The following ZFHX3 variants were observed in gnomAD, a reference collection of about 807,000 sequenced individuals.
ZFHX3 encodes the protein zinc finger homeobox protein 3.
A neutral mutation model predicts 279.1 loss-of-function variants in ZFHX3; 42 were observed. The ratio of observed to expected loss-of-function variants is 0.15; its 90% CI spans 0.12 to 0.19. The LOEUF is 0.19. Among genes scored for constraint, ZFHX3 ranks in the 10% least tolerant of loss-of-function variants. The pLI is 1.00. For missense variants in ZFHX3, 4,981 were observed against 4,754.0 expected, an observed-to-expected ratio of 1.05 and a Z score of -1.40; for synonymous variants, 2,293 against 1,957.8, an observed-to-expected ratio of 1.17 and a Z score of -4.52.
chr16:73,165,586 C>T (rs1380246722), intron 5 of ZFHX3, among the ~76,000 whole-genome samples: 3 of 152,132 alleles, frequency 2.0e-5, no homozygotes, highest in South Asian at 2.1e-4. Context: ...CCTTTGTCAG[C>T]GTGGCCTGAG....
chr16:73,077,164 A>G (rs1194036535), intron 8 of ZFHX3, among the ~76,000 whole-genome samples: 2 of 152,152 alleles, frequency 1.3e-5, no homozygotes, highest in African/African-American at 4.8e-5. Flanking sequence ...TTATTGACCA[A>G]CATGTTGGAT....
At position 73,647,009 on chromosome 16, in the gene ZFHX3, C is replaced by CA. The variant is rs202085109; in HGVS notation, c.-1547+33170dup. Reference sequence around the variant, plus strand: ...GGACAAATGGCAGTACTCGTTGTGCCAACCTTTTTTTTTTCTTTTTTTTTT... The same window carrying CA: ...GGACAAATGGCAGTACTCGTTGTGCCAAACCTTTTTTTTTTCTTTTTTTTTT... On this transcript the variant is annotated intron_variant, in intron 2 of 17. Coordinates refer to the ZFHX3 transcript ENST00000641206. Among the ~76,000 whole-genome samples, 446 of 93,024 alleles carry CA rather than the reference C, an allele frequency of 4.8e-3. 2 individuals carry two copies. The highest frequency in any genetic ancestry group is 0.011 in the African/African-American group (346 of 30,408). The allele number at this position is 93,024 out of a possible 152,430, so 61.0% of individuals were successfully genotyped here.
chr16:73,737,223 G>C (rs373580385), intron 1 of ZFHX3, among the ~76,000 whole-genome samples: 3 of 152,204 alleles, frequency 2.0e-5, no homozygotes. Flanking sequence ...TTATTGTAGA[G>C]ACAGGGTCTT....
At chr16:73,024,349 T>C (rs190589139) in intron 1 of ZFHX3, among the ~76,000 whole-genome samples, 67 of 152,124 alleles carry the variant, frequency 4.4e-4, no homozygotes, top group Admixed American at 3.7e-3. Context: ...TGATGGCCAG[T>C]CTCCACCAAG....
intron 1 of ZFHX3, among the ~76,000 whole-genome samples, chr16:73,793,477 A>G (rs1197202397): frequency 6.6e-6 from 1 of 152,250 alleles, no homozygotes; most frequent in African/African-American, 2.4e-5. Context: ...GATGCAAGCC[A>G]ACATATCTCC....
At position 73,665,892 on chromosome 16, in the gene ZFHX3, T is replaced by C. The variant is rs531693275; in HGVS notation, c.-1547+14288A>G. 5.8e-4 allele frequency among the ~76,000 whole-genome samples: 84 copies of C among 145,572 alleles called. 3 individuals carry two copies. The South Asian group carries it at 9.5e-3, about 16-fold the overall frequency. On this transcript the variant is annotated intron_variant, in intron 2 of 17. Transcript: ENST00000641206. The stretch of plus-strand genomic sequence containing the variant: ...GTCTCACTCTGTCGCCCAGGCTCAC[T>C]GCAAGGTCTGCCTCCCGGGTTCATG...
In ZFHX3 at chr16:73,029,021, C is replaced by A. The variant is rs192165238; in HGVS notation, c.-50+18731G>T. ...CCTCCTGAGGTTTCTGCTTGTCTAACATCTTCTTCACTCACTCAGCCCAGG... is the reference window on the plus strand; with the variant it reads ...CCTCCTGAGGTTTCTGCTTGTCTAAAATCTTCTTCACTCACTCAGCCCAGG... On this transcript the variant is annotated intron_variant, in intron 1 of 9. Coordinates refer to ENST00000268489, the MANE Select transcript of ZFHX3 (RefSeq NM_006885.4). Among the ~76,000 whole-genome samples, 531 of 152,248 alleles carry A rather than the reference C, an allele frequency of 3.5e-3. 2 individuals are homozygous for A. The highest frequency in any genetic ancestry group is 5.3e-3 in the Non-Finnish European group (358 of 68,016).
At chr16:73,756,935 G>A (rs953982329) in intron 1 of ZFHX3, among the ~76,000 whole-genome samples, 5 of 152,240 alleles carry the variant, frequency 3.3e-5, no homozygotes, top group African/African-American at 1.2e-4. Context: ...ACTTTAGAGA[G>A]CTACATTTTT....
chr16:73,847,414 C>A (rs1961476958), intron 1 of ZFHX3, among the ~76,000 whole-genome samples: 3 of 152,152 alleles, frequency 2.0e-5, no homozygotes, highest in African/African-American at 7.2e-5. Flanking sequence ...AATGCATTCC[C>A]ATGAGAGGCT....
intron 3 of ZFHX3, among the ~76,000 whole-genome samples, chr16:73,354,853 T>C (rs1337486151): frequency 6.6e-6 from 1 of 152,218 alleles, no homozygotes; most frequent in Non-Finnish European, 1.5e-5. Flanking sequence ...TCTTGCCTGG[T>C]GAATCGGTCT....
chr16:73,851,422 G>A (rs538928167), intron 1 of ZFHX3, among the ~76,000 whole-genome samples: 1 of 152,162 alleles, frequency 6.6e-6, no homozygotes. Flanking sequence ...AAAGCATACC[G>A]ACTTGAAGTC....
intron 3 of ZFHX3, among the ~76,000 whole-genome samples, chr16:73,426,586 G>A (rs1178723839): frequency 6.6e-6 from 1 of 152,050 alleles, no homozygotes; most frequent in Admixed American, 6.6e-5. Flanking sequence ...GTGTGTGCAT[G>A]TGTGTGTGTG....
chr16:73,673,241 A>G (rs2052921620), intron 2 of ZFHX3, among the ~76,000 whole-genome samples: 2 of 152,188 alleles, frequency 1.3e-5, no homozygotes, highest in South Asian at 4.1e-4. Flanking sequence ...GAAGGGGCAC[A>G]CGGGTAGAGG....
In ZFHX3 at chr16:73,275,986, G is replaced by C. The variant is rs544665767; in HGVS notation, c.-1193-18850C>G. On this transcript the variant is annotated intron_variant, in intron 4 of 17. Transcript: ENST00000641206. ...AAGTTAGGGGCGGTCAAGAGTGATG[G>C]GGGGGGACAGGGAAGGATGATATTG... Among the ~76,000 whole-genome samples, 21 of 151,624 alleles carry C rather than the reference G, an allele frequency of 1.4e-4. 1 individual carries two copies. Among genetic ancestry groups the C allele is most frequent in the South Asian group, 4.2e-4 (2 of 4,788 alleles).
chr16:72,815,857 C>T (rs1002956114), intron 5 of ZFHX3, among the ~76,000 whole-genome samples: 2 of 152,220 alleles, frequency 1.3e-5, no homozygotes, highest in Non-Finnish European at 2.9e-5. Flanking sequence ...GCGTTAGTAA[C>T]TCTAGTGGTT....
intron 3 of ZFHX3, among the ~76,000 whole-genome samples, chr16:73,453,623 G>A (rs762128169): frequency 1.4e-4 from 22 of 152,142 alleles, no homozygotes; most frequent in Admixed American, 5.2e-4. Context: ...GTCCAGCCCC[G>A]TGGATTCCAT....
chr16:73,745,597 G>T (rs1350846275), intron 1 of ZFHX3, among the ~76,000 whole-genome samples: 2 of 152,186 alleles, frequency 1.3e-5, no homozygotes, highest in African/African-American at 2.4e-5. Flanking sequence ...AACCAAATGC[G>T]TGTATAGCCA....
chr16:73,070,926 GCGCGCGCGCGCGCACACACA>G (rs1297933035), intron 8 of ZFHX3, among the ~76,000 whole-genome samples: 4 of 29,552 alleles, frequency 1.4e-4, no homozygotes, highest in Non-Finnish European at 1.6e-4. Context: ...GCGCGCGCGC[GCGCGCGCGCGCGCACACACA>G]CACACACACA....
At chr16:73,445,383 C>T (rs745543312) in intron 3 of ZFHX3, among the ~76,000 whole-genome samples, 3 of 151,674 alleles carry the variant, frequency 2.0e-5, no homozygotes, top group Non-Finnish European at 4.4e-5. Context: ...AAATAGCACC[C>T]CTTCACCATT....
Sources: allele counts gnomAD v4.1 joint callset (sites outside exome capture counted in the v4.1 genomes callset), GRCh38; gene constraint gnomAD v4.1.1; transcripts MANE v1.5; gene names NCBI Gene and HGNC (gene_info 2026-07-23, HGNC 2026-07-21).